The following KIAA1217 variants were observed in gnomAD, a reference collection of about 807,000 sequenced individuals.
The protein encoded by KIAA1217 is KIAA1217, also known as sickle tail protein homolog.
A neutral mutation model predicts 163.9 loss-of-function variants in KIAA1217; 88 were observed. The ratio of observed to expected loss-of-function variants is 0.54; its 90% CI spans 0.45 to 0.64. The LOEUF is 0.64. Among genes scored for constraint, KIAA1217 ranks in the 30% least tolerant of loss-of-function variants. The probability of loss-of-function intolerance (pLI) is 0.00; values close to 1 mark genes in which losing one functional copy is unlikely to be tolerated. For synonymous variants in KIAA1217, 903 were observed against 923.1 expected, an observed-to-expected ratio of 0.98 and a Z score of 0.39; for missense variants, 2,372 against 2,475.0, an observed-to-expected ratio of 0.96 and a Z score of 0.88.
intron 6 of KIAA1217, chr10:24,482,333 C>G (rs1592281808): frequency 6.6e-6 from 1 of 152,218 alleles, no homozygotes; most frequent in South Asian, 2.1e-4. Context: ...AGACCAGAAA[C>G]TTAAGCCAGA....
intron 2 of KIAA1217, among the ~76,000 whole-genome samples, chr10:24,072,220 G>C (rs1328317529): frequency 6.6e-6 from 1 of 151,846 alleles, no homozygotes; most frequent in Non-Finnish European, 1.5e-5. Flanking sequence ...AGAGATGGGG[G>C]TCTCACTATG....
intron 2 of KIAA1217, among the ~76,000 whole-genome samples, chr10:24,097,025 T>A (rs2062191263): frequency 6.6e-6 from 1 of 152,154 alleles, no homozygotes; most frequent in Non-Finnish European, 1.5e-5. Context: ...TAGGTAACGG[T>A]GGGCCATTGA....
chr10:24,401,069 G>A (rs1187752676), intron 3 of KIAA1217, among the ~76,000 whole-genome samples: 2 of 149,540 alleles, frequency 1.3e-5, no homozygotes, highest in Admixed American at 6.7e-5. Context: ...GGAGAGAAAT[G>A]ACAGGTTACT....
At chr10:24,145,266 G>T (rs555036922) in intron 2 of KIAA1217, among the ~76,000 whole-genome samples, 61 of 152,288 alleles carry the variant, frequency 4.0e-4, no homozygotes, top group Admixed American at 1.5e-3. Flanking sequence ...AAGCAATCTG[G>T]TCAAGGACAA....
At chr10:23,987,450 A>G (rs917925268) in intron 1 of KIAA1217, among the ~76,000 whole-genome samples, 3 of 151,496 alleles carry the variant, frequency 2.0e-5, no homozygotes, top group Admixed American at 1.3e-4. Flanking sequence ...ATTTAAAAAT[A>G]TGGTACTTAT....
chr10:24,472,659 T>G (rs1191515209), intron 5 of KIAA1217, among the ~76,000 whole-genome samples: 1 of 152,184 alleles, frequency 6.6e-6, no homozygotes, highest in Non-Finnish European at 1.5e-5. Flanking sequence ...CTCCATCAGG[T>G]GTATTCATTT....
At chr10:24,535,148 C>T (rs1466510504) in intron 16 of KIAA1217, among the ~76,000 whole-genome samples, 10 of 152,158 alleles carry the variant, frequency 6.6e-5, no homozygotes, top group Admixed American at 5.2e-4. Context: ...GCTCTGAAAT[C>T]GAGGGTCTAA....
At chr10:24,380,847 T>G in intron 2 of KIAA1217, 22 bp from the exon 3 acceptor site, 1 of 1,482,608 alleles carries the variant, frequency 6.7e-7, no homozygotes, top group Non-Finnish European at 9.0e-7. Flanking sequence ...TTTTCCCACT[T>G]TCTTTAAAAT....
rs193287956 is a variant in KIAA1217 at position 24,485,153 on chromosome 10, G to A, written c.1680-9347G>A. On this transcript the variant is annotated intron_variant, in intron 6 of 20. Coordinates refer to ENST00000376454, the MANE Select transcript of KIAA1217 (RefSeq NM_019590.5). Reference sequence around the variant, plus strand: ...AGACCCAGAATGGGAAGAGCTATGGGATTTATGTAAATCCCTTCCAACCAG... The same window carrying A: ...AGACCCAGAATGGGAAGAGCTATGGAATTTATGTAAATCCCTTCCAACCAG... 5.3e-5 allele frequency among the ~76,000 whole-genome samples: 8 copies of A among 151,912 alleles called. No homozygotes were observed. In the East Asian group the frequency reaches 1.4e-3, roughly 26 times the overall value.
chr10:24,284,940 G>T (rs2078388786), intron 2 of KIAA1217, among the ~76,000 whole-genome samples: 1 of 152,142 alleles, frequency 6.6e-6, no homozygotes, highest in Non-Finnish European at 1.5e-5. Context: ...TCTGACTGGT[G>T]TGAGATGGTT....
intron 2 of KIAA1217, among the ~76,000 whole-genome samples, chr10:24,127,488 T>C (rs942526819): frequency 1.3e-5 from 2 of 152,216 alleles, no homozygotes; most frequent in Non-Finnish European, 2.9e-5. Flanking sequence ...ATCCCTGGAA[T>C]CCTATGATTT....
chr10:23,871,097 G>T (rs1840436288), intron 1 of KIAA1217, among the ~76,000 whole-genome samples: 1 of 151,478 alleles, frequency 6.6e-6, no homozygotes, highest in South Asian at 2.1e-4. Flanking sequence ...GAAACTCATA[G>T]GAATGAATGT....
chr10:23,819,320 T>C (rs1837510368), intron 1 of KIAA1217, among the ~76,000 whole-genome samples: 1 of 152,140 alleles, frequency 6.6e-6, no homozygotes, highest in Non-Finnish European at 1.5e-5. Flanking sequence ...CAAGAGGTCT[T>C]CTTGAAAGAG....
chr10:23,987,013 G>A (rs60741485), intron 1 of KIAA1217, among the ~76,000 whole-genome samples: 7,568 of 152,060 alleles, frequency 0.05, 623 homozygotes, highest in African/African-American at 0.17. Flanking sequence ...AGTTCTTTGC[G>A]TTGCCCATTC....
At chr10:24,031,951 C>G (rs1848205389) in intron 2 of KIAA1217, among the ~76,000 whole-genome samples, 2 of 152,128 alleles carry the variant, frequency 1.3e-5, no homozygotes, top group African/African-American at 4.8e-5. Context: ...CTTCCCACTG[C>G]CATTAAATCA....
chr10:24,300,402 G>C (rs1164389186), intron 2 of KIAA1217, among the ~76,000 whole-genome samples: 1 of 152,104 alleles, frequency 6.6e-6, no homozygotes. Context: ...CGATTTGCTT[G>C]TCACAGGTGT....
intron 2 of KIAA1217, among the ~76,000 whole-genome samples, chr10:24,254,507 G>T (rs1307366559): frequency 6.6e-6 from 1 of 152,196 alleles, no homozygotes; most frequent in Non-Finnish European, 1.5e-5. Context: ...AGGAAATGGG[G>T]GGCATGTCCT....
At chr10:24,099,346 C>T (rs544683152) in intron 2 of KIAA1217, among the ~76,000 whole-genome samples, 1 of 150,996 alleles carries the variant, frequency 6.6e-6, no homozygotes, top group South Asian at 2.1e-4. Flanking sequence ...TCCCCTACCC[C>T]ACGGCAGGTC....
chr10:23,856,599 A>C (rs1196823598), intron 1 of KIAA1217, among the ~76,000 whole-genome samples: 1 of 152,140 alleles, frequency 6.6e-6, no homozygotes, highest in Non-Finnish European at 1.5e-5. Flanking sequence ...TTTGTCTGTG[A>C]CCTGTGCCCA....
Sources: allele counts gnomAD v4.1 joint callset (sites outside exome capture counted in the v4.1 genomes callset), GRCh38; gene constraint gnomAD v4.1.1; transcripts MANE v1.5; gene names NCBI Gene and HGNC (gene_info 2026-07-23, HGNC 2026-07-21).